TACR1: variants seen among roughly 807,000 people sequenced by gnomAD.
TACR1 encodes the protein tachykinin receptor 1, also known as substance-P receptor.
TACR1 carries 25 observed loss-of-function variants against 35.8 expected under a neutral mutation model. That is an observed-to-expected ratio of 0.70 (90% CI 0.51 to 0.98). The LOEUF (loss-of-function observed/expected upper bound fraction) is 0.98, where lower values mean the gene tolerates loss of function less well. Ranked by LOEUF, TACR1 falls within the 50% of genes least tolerant of loss-of-function variation. The probability of loss-of-function intolerance (pLI) is 0.00; values close to 1 mark genes in which losing one functional copy is unlikely to be tolerated. For missense variants in TACR1, 478 were observed against 522.9 expected (o/e 0.91, Z 0.84); for synonymous variants, 195 against 206.7 (o/e 0.94, Z 0.48).
At chr2:75,054,500 C>CA (rs1672535015) in intron 2 of TACR1, among the ~76,000 whole-genome samples, 2 of 152,152 alleles carry the variant, frequency 1.3e-5, no homozygotes, top group Non-Finnish European at 2.9e-5. Flanking sequence ...CCAACTGACT[C>CA]ACGTTTGACT....
chr2:75,106,394 A>G (rs1029307449), intron 2 of TACR1, among the ~76,000 whole-genome samples: 3 of 152,002 alleles, frequency 2.0e-5, no homozygotes, highest in African/African-American at 7.2e-5. Flanking sequence ...GAAAAACTCT[A>G]CTGTAGACTC....
intron 1 of TACR1, among the ~76,000 whole-genome samples, chr2:75,158,292 T>C (rs986253882): frequency 1.3e-5 from 2 of 152,230 alleles, no homozygotes; most frequent in Non-Finnish European, 2.9e-5. Context: ...CAAGTGGACA[T>C]GGAGAGATTT....
intron 2 of TACR1, among the ~76,000 whole-genome samples, chr2:75,077,005 T>C (rs949937486): frequency 2.6e-5 from 4 of 152,166 alleles, no homozygotes; most frequent in Admixed American, 6.5e-5. Context: ...AGTTTCGCTC[T>C]TGTTGCCCAG....
intron 2 of TACR1, among the ~76,000 whole-genome samples, chr2:75,081,912 T>TA (rs889014433): frequency 1.3e-5 from 2 of 150,808 alleles, no homozygotes; most frequent in African/African-American, 4.9e-5. Flanking sequence ...TTTTTTTTTT[T>TA]AAATATATAT....
At chr2:75,054,828 A>G (rs1672540066) in intron 2 of TACR1, among the ~76,000 whole-genome samples, 1 of 152,154 alleles carries the variant, frequency 6.6e-6, no homozygotes, top group Non-Finnish European at 1.5e-5. Flanking sequence ...AATAATGCTA[A>G]TGATAGTATT....
intron 1 of TACR1, among the ~76,000 whole-genome samples, chr2:75,166,519 C>T (rs1192536589): frequency 1.3e-5 from 2 of 152,216 alleles, no homozygotes; most frequent in African/African-American, 2.4e-5. Context: ...ATCAGCGCTC[C>T]TTCTGTCTTA....
intron 2 of TACR1, among the ~76,000 whole-genome samples, chr2:75,062,211 CTCTT>C (rs1672685477): frequency 1.3e-5 from 2 of 151,996 alleles, no homozygotes; most frequent in Non-Finnish European, 2.9e-5. Context: ...CTTTTCTTAC[CTCTT>C]TCTTCTTTAA....
At chr2:75,170,984 T>C (rs933270456) in intron 1 of TACR1, among the ~76,000 whole-genome samples, 1 of 152,144 alleles carries the variant, frequency 6.6e-6, no homozygotes, top group African/African-American at 2.4e-5. Context: ...GATGATGCGA[T>C]ATGAGGAGAA....
At chr2:75,151,627 C>CT (rs892730032) in intron 1 of TACR1, among the ~76,000 whole-genome samples, 8 of 152,188 alleles carry the variant, frequency 5.3e-5, no homozygotes, top group African/African-American at 1.9e-4. Context: ...AGAAACTCTG[C>CT]TAGGGCAGTG....
intron 1 of TACR1, among the ~76,000 whole-genome samples, chr2:75,172,734 G>A (rs1419431019): frequency 6.6e-6 from 1 of 152,114 alleles, no homozygotes; most frequent in African/African-American, 2.4e-5. Context: ...GAAAGTACTT[G>A]CATTCGTTTG....
intron 1 of TACR1, among the ~76,000 whole-genome samples, chr2:75,124,789 G>T (rs12713830): frequency 0.48 from 73,204 of 152,068 alleles, 18,435 homozygotes; most frequent in Non-Finnish European, 0.54. Context: ...GCTGTCCCCT[G>T]GTCTAGTTTA....
chr2:75,175,564 T>C (rs1357113486), intron 1 of TACR1, among the ~76,000 whole-genome samples: 2 of 152,168 alleles, frequency 1.3e-5, no homozygotes, highest in Non-Finnish European at 2.9e-5. Flanking sequence ...TCTTTGCTCA[T>C]GGCCTTTTGC....
At chr2:75,147,561 C>G (rs757153509) in intron 1 of TACR1, among the ~76,000 whole-genome samples, 2 of 152,138 alleles carry the variant, frequency 1.3e-5, no homozygotes, top group Non-Finnish European at 2.9e-5. Flanking sequence ...AATGCTCTTG[C>G]TCCCCTCCTG....
At chr2:75,091,243 G>A (rs974484368) in intron 2 of TACR1, among the ~76,000 whole-genome samples, 4 of 136,272 alleles carry the variant, frequency 2.9e-5, no homozygotes, top group South Asian at 2.6e-4. Context: ...CTGAATTTCC[G>A]CTCCTAACTC....
chr2:75,063,048 A>G (rs1298416405), intron 2 of TACR1, among the ~76,000 whole-genome samples: 2 of 152,164 alleles, frequency 1.3e-5, no homozygotes, highest in African/African-American at 4.8e-5. Flanking sequence ...GACAGGAGAA[A>G]AACTTGTGCA....
intron 2 of TACR1, among the ~76,000 whole-genome samples, chr2:75,087,825 G>T (rs1477560049): frequency 6.6e-6 from 1 of 152,186 alleles, no homozygotes; most frequent in East Asian, 1.9e-4. Flanking sequence ...TTAAACATCT[G>T]TCACAGCTGT....
chr2:75,072,567 A>G (rs1047266224), intron 2 of TACR1, among the ~76,000 whole-genome samples: 5 of 152,234 alleles, frequency 3.3e-5, no homozygotes, highest in Non-Finnish European at 7.3e-5. Flanking sequence ...CATTGGCCAG[A>G]TTAGTAGGGT....
At chr2:75,103,536 T>C (rs1176247191) in intron 2 of TACR1, among the ~76,000 whole-genome samples, 1 of 150,092 alleles carries the variant, frequency 6.7e-6, no homozygotes, top group Non-Finnish European at 1.5e-5. Context: ...TAAATACCCA[T>C]GAGTCCATAC....
chr2:75,050,516 ATG>A, intron 4 of TACR1, among the ~76,000 whole-genome samples: 1 of 152,130 alleles, frequency 6.6e-6, no homozygotes, highest in Non-Finnish European at 1.5e-5. Flanking sequence ...TGCAGCCACT[ATG>A]TGTCCCTGCC....
Sources: gnomAD v4.1 joint callset for allele counts (sites outside exome capture counted in the v4.1 genomes callset) on GRCh38, gnomAD v4.1.1 for gene constraint, MANE v1.5 for transcripts, NCBI Gene and HGNC (gene_info 2026-07-23, HGNC 2026-07-21) for gene names.